The following SCAPER variants were observed in gnomAD, a reference collection of about 807,000 sequenced individuals.
SCAPER encodes the protein S phase cyclin A-associated protein in the endoplasmic reticulum.
A neutral mutation model predicts 182.2 loss-of-function variants in SCAPER; 98 were observed. The observed-to-expected ratio is 0.54, with a 90% CI of 0.46 to 0.64. The LOEUF is 0.64. Ranked by LOEUF, SCAPER falls within the 30% of genes least tolerant of loss-of-function variation. SCAPER has a pLI of 0.00. For synonymous variants in SCAPER, 605 were observed against 564.6 expected (o/e 1.07, Z -1.01); for missense variants, 1,432 against 1,690.0 (o/e 0.85, Z 2.68).
At chr15:76,524,463 A>C (rs1483388916) in intron 23 of SCAPER, among the ~76,000 whole-genome samples, 1 of 152,146 alleles carries the variant, frequency 6.6e-6, no homozygotes, top group Non-Finnish European at 1.5e-5. Flanking sequence ...ATTACTAGAC[A>C]TTTATGGATG....
intron 4 of SCAPER, among the ~76,000 whole-genome samples, chr15:76,851,919 A>G (rs1433602889): frequency 1.3e-5 from 2 of 152,132 alleles, no homozygotes; most frequent in East Asian, 3.9e-4. Context: ...ACAAGACCCA[A>G]TGGTATGCTG....
intron 14 of SCAPER, among the ~76,000 whole-genome samples, chr15:76,754,709 T>C (rs2062308125): frequency 6.6e-6 from 1 of 152,098 alleles, no homozygotes; most frequent in African/African-American, 2.4e-5. Flanking sequence ...TAATTGTTTT[T>C]TTCTCTCAAT....
intron 1 of SCAPER, among the ~76,000 whole-genome samples, chr15:76,892,213 T>C (rs939402744): frequency 1.3e-5 from 2 of 152,034 alleles, no homozygotes; most frequent in African/African-American, 4.8e-5. Flanking sequence ...CCTAAAACCA[T>C]AAAAACTCTA....
At chr15:76,718,277 T>C (rs2059998028) in intron 17 of SCAPER, among the ~76,000 whole-genome samples, 1 of 151,658 alleles carries the variant, frequency 6.6e-6, no homozygotes, top group Admixed American at 6.6e-5. Flanking sequence ...GCAAAAGCAG[T>C]TGTAAGAGGG....
At position 76,611,305 on chromosome 15, in the gene SCAPER, G is replaced by A. The variant is rs2050962366; in HGVS notation, c.2711+10459C>T. On this transcript the variant is annotated intron_variant, in intron 22 of 31. Transcript: ENST00000563290. ...AAGACTCGAAACTATAAAAGTCTTA[G>A]AAGAAAACATAAGAAAAAAATGAAA... Among the ~76,000 whole-genome samples, 2 of 151,986 alleles carry A rather than the reference G, an allele frequency of 1.3e-5. 1 individual carries two copies. Among genetic ancestry groups the A allele is most frequent in the South Asian group, 4.2e-4 (2 of 4,814 alleles).
At chr15:76,649,278 A>C (rs1232746252) in intron 21 of SCAPER, among the ~76,000 whole-genome samples, 1 of 152,172 alleles carries the variant, frequency 6.6e-6, no homozygotes. Context: ...AAAAGAATTT[A>C]AAAAGTAGCT....
At chr15:76,728,502 CA>C (rs1235097573) in intron 17 of SCAPER, 92 bp downstream of exon 17, 5 of 1,538,128 alleles carry the variant, frequency 3.3e-6, no homozygotes, top group South Asian at 2.4e-5. Context: ...AACCTCATCT[CA>C]AAAAAACTCT....
intron 26 of SCAPER, among the ~76,000 whole-genome samples, chr15:76,425,237 T>C (rs1340606495): frequency 1.3e-5 from 2 of 152,230 alleles, no homozygotes; most frequent in African/African-American, 4.8e-5. Context: ...ATTCTCCCTG[T>C]CACTTACAGG....
At chr15:76,859,956 T>G (rs1033474859) in intron 3 of SCAPER, among the ~76,000 whole-genome samples, 24 of 152,140 alleles carry the variant, frequency 1.6e-4, no homozygotes, top group African/African-American at 5.8e-4. Context: ...GCTCAGGCAA[T>G]CCACCTGCCT....
At chr15:76,458,707 T>C (rs906198107) in intron 25 of SCAPER, among the ~76,000 whole-genome samples, 12 of 152,138 alleles carry the variant, frequency 7.9e-5, no homozygotes, top group Admixed American at 1.3e-4. Flanking sequence ...TTTTGAAATA[T>C]ACAATACACT....
rs764814414 is a variant in SCAPER, at chr15:76,351,404, G to GC, written c.4048-117dup. 81 of 813,728 alleles carry GC rather than the reference G, an allele frequency of 1.0e-4. 1 individual carries two copies. In the African/African-American group the frequency reaches 1.2e-3, roughly 12 times the overall value. 50.4% of individuals were successfully genotyped at this position (813,728 alleles called of 1,614,324 possible). On this transcript the variant is annotated intron_variant, in intron 30 of 31. Transcript: ENST00000563290. ...ACCACTTTTGTATGAATATTTTGGG[G>GC]CCCAAATATAAACGCTGAAGAAACT...
intron 17 of SCAPER, among the ~76,000 whole-genome samples, chr15:76,709,583 C>T (rs1224083582): frequency 6.6e-6 from 1 of 152,036 alleles, no homozygotes; most frequent in East Asian, 1.9e-4. Context: ...TGAAATATTC[C>T]CCCAAAGAAA....
intron 21 of SCAPER, among the ~76,000 whole-genome samples, chr15:76,644,990 G>C (rs1419780118): frequency 6.6e-6 from 1 of 151,780 alleles, no homozygotes; most frequent in Non-Finnish European, 1.5e-5. Context: ...ACCAACTGTG[G>C]ATCAAAAATA....
rs538657313 is a variant in SCAPER at position 76,423,519 on chromosome 15, T to C, written c.3311+10559A>G. Among the ~76,000 whole-genome samples the C allele has an allele frequency of 5.9e-5, 9 of 152,336 alleles. No homozygotes were observed. The South Asian group carries it at 1.5e-3, about 25-fold the overall frequency. On this transcript the variant is annotated intron_variant, in intron 26 of 31. Coordinates refer to ENST00000563290, the MANE Select transcript of SCAPER (RefSeq NM_020843.4). ...TTTGATTATTCTCTCTTTTCTTCTT[T>C]ATTAGTCTTGCTAGCAGTCTGTCAA...
At chr15:76,553,092 C>T (rs937200513) in intron 23 of SCAPER, among the ~76,000 whole-genome samples, 1 of 152,220 alleles carries the variant, frequency 6.6e-6, no homozygotes. Flanking sequence ...CCACAGCACC[C>T]CCCACCCCCT....
chr15:76,429,802 G>C (rs1170321067), intron 26 of SCAPER, among the ~76,000 whole-genome samples: 5 of 152,292 alleles, frequency 3.3e-5, no homozygotes, highest in East Asian at 3.9e-4. Context: ...TATTCAAGCC[G>C]ACTGCAGAAA....
chr15:76,481,233 A>G (rs2051111290), intron 24 of SCAPER, among the ~76,000 whole-genome samples: 1 of 152,236 alleles, frequency 6.6e-6, no homozygotes, highest in Non-Finnish European at 1.5e-5. Flanking sequence ...TGAAAATTAG[A>G]TTGTGGCTAA....
At chr15:76,357,150 TCACACACACACACACA>T (rs55912416) in intron 29 of SCAPER, among the ~76,000 whole-genome samples, 5 of 128,858 alleles carry the variant, frequency 3.9e-5, no homozygotes, top group South Asian at 5.8e-4. Flanking sequence ...TTTATTGACA[TCACACACACACACACA>T]CACACACACA....
intron 27 of SCAPER, among the ~76,000 whole-genome samples, chr15:76,395,218 A>T (rs1013293099): frequency 1.3e-5 from 2 of 152,190 alleles, no homozygotes; most frequent in African/African-American, 4.8e-5. Context: ...CATTGTGTGT[A>T]TGAGTACATT....
Sources: gnomAD v4.1 joint callset for allele counts (sites outside exome capture counted in the v4.1 genomes callset) on GRCh38, gnomAD v4.1.1 for gene constraint, MANE v1.5 for transcripts, NCBI Gene and HGNC (gene_info 2026-07-23, HGNC 2026-07-21) for gene names.